RUFY4: variants seen among roughly 807,000 people sequenced by gnomAD.
RUFY4 encodes the protein RUN and FYVE domain-containing protein 4.
RUFY4 carries 73 observed loss-of-function variants against 69.0 expected under a neutral mutation model. The ratio of observed to expected loss-of-function variants is 1.06; its 90% CI spans 0.88 to 1.29. The LOEUF is 1.29. Among genes scored for constraint, RUFY4 ranks in the 50% most tolerant of loss-of-function variants. The probability of loss-of-function intolerance (pLI) is 0.00; values close to 1 mark genes in which losing one functional copy is unlikely to be tolerated. For synonymous variants in RUFY4, 287 were observed against 271.8 expected, an observed-to-expected ratio of 1.06 and a Z score of -0.55; for missense variants, 770 against 705.6, an observed-to-expected ratio of 1.09 and a Z score of -1.03.
chr2:218,064,744 A>C (rs1340634558), upstream of RUFY4, among the ~76,000 whole-genome samples: 1 of 151,956 alleles, frequency 6.6e-6, no homozygotes, highest in Non-Finnish European at 1.5e-5. Context: ...CTTCCAGAAG[A>C]GAAGTCCCTG....
exon 9 of RUFY4, chr2:218,083,146 G>A (rs760974906): frequency 2.5e-6 from 4 of 1,613,652 alleles, no homozygotes; most frequent in Non-Finnish European, 1.7e-6. Context: ...AGGCACAGCT[G>A]GAGCAGAAGC....
chr2:218,078,592 G>C (rs1689689809), intron 8 of RUFY4, among the ~76,000 whole-genome samples: 1 of 152,244 alleles, frequency 6.6e-6, no homozygotes, highest in Non-Finnish European at 1.5e-5. Flanking sequence ...AGAGCTCAGA[G>C]TAGGAGAGAG....
chr2:218,071,705 T>C (rs1386370189), intron 2 of RUFY4, among the ~76,000 whole-genome samples: 1 of 152,230 alleles, frequency 6.6e-6, no homozygotes, highest in Non-Finnish European at 1.5e-5. Flanking sequence ...CTATCTAACA[T>C]ACTCGATGCT....
chr2:218,073,468 C>T (rs1479658531), intron 5 of RUFY4, 82 bp downstream of exon 7: 1 of 1,528,080 alleles, frequency 6.5e-7, no homozygotes, highest in Non-Finnish European at 8.9e-7. Context: ...GCCCCAAGCC[C>T]TCAGCCTCCA....
chr2:218,056,942 G>A (rs1689077430), intron 2 of RUFY4, among the ~76,000 whole-genome samples: 1 of 152,112 alleles, frequency 6.6e-6, no homozygotes, highest in Non-Finnish European at 1.5e-5. Flanking sequence ...GCCAGGCATG[G>A]TGGCTTGCGC....
At chr2:218,076,518 G>A (rs187325896) in exon 8 of RUFY4, 51 of 1,550,412 alleles carry the variant, frequency 3.3e-5, no homozygotes, top group Middle Eastern at 1.7e-4. Flanking sequence ...CAGGCACTTC[G>A]GGAGCAGCTC....
chr2:218,063,611 A>G (rs983472615), intron 3 of RUFY4, among the ~76,000 whole-genome samples: 4 of 152,320 alleles, frequency 2.6e-5, no homozygotes, highest in Admixed American at 2.6e-4. Flanking sequence ...ATTAACCAGC[A>G]GGCAAGGGGC....
rs10186031 is a variant in RUFY4 at position 218,060,265 on chromosome 2, G to C, written c.-1071+1584G>C. 2,591 of 1,366,152 alleles carry C rather than the reference G, an allele frequency of 1.9e-3. 43 individuals are homozygous for C. In the African/African-American group the frequency reaches 0.033, roughly 18 times the overall value. The allele number at this position is 1,366,152 out of a possible 1,614,324, so 84.6% of individuals were successfully genotyped here. Reference sequence around the variant, plus strand: ...CTGACACTGAGACCAAGAAGAGCTAGTGGACATGAGGCTTGGAATGTGACT... The same window carrying C: ...CTGACACTGAGACCAAGAAGAGCTACTGGACATGAGGCTTGGAATGTGACT... On this transcript the variant is annotated intron_variant and NMD_transcript_variant, in intron 3 of 13. Coordinates refer to the RUFY4 transcript ENST00000457754.
At chr2:218,072,242 G>A in intron 2 of RUFY4, 132 bp from the exon 5 acceptor site, 2 of 1,106,640 alleles carry the variant, frequency 1.8e-6, no homozygotes, top group Non-Finnish European at 2.5e-6. Context: ...GTAAGGACAG[G>A]GCTGGGTCTG....
At chr2:218,042,670 A>C (rs968805702) in intron 2 of RUFY4, among the ~76,000 whole-genome samples, 1 of 150,430 alleles carries the variant, frequency 6.6e-6, no homozygotes, top group African/African-American at 2.5e-5. Context: ...AAAGTTGTTC[A>C]TACATGATCT....
intron 3 of RUFY4, chr2:218,060,100 G>C (rs1326299007): frequency 2.8e-6 from 1 of 363,112 alleles, no homozygotes; most frequent in Non-Finnish European, 5.2e-6. Flanking sequence ...GAGCTCAAGG[G>C]CAGGAGGGAC....
At chr2:218,068,143 G>T (rs138384013), upstream of RUFY4, among the ~76,000 whole-genome samples, 585 of 101,952 alleles carry the variant, frequency 5.7e-3, 4 homozygotes, top group African/African-American at 0.017. Flanking sequence ...GACTGGAGGA[G>T]GGCAGGGGAC....
chr2:218,090,384 A>C, exon 11 of RUFY4: 1 of 262,142 alleles, frequency 3.8e-6, no homozygotes, highest in Non-Finnish European at 7.7e-6. Context: ...CAGCCCTGAC[A>C]TTTCTCCTCC....
intron 2 of RUFY4, among the ~76,000 whole-genome samples, chr2:218,043,527 C>T (rs913612000): frequency 2.0e-5 from 3 of 152,152 alleles, no homozygotes; most frequent in Admixed American, 6.5e-5. Flanking sequence ...GTCAACCCAA[C>T]TTCTGCAGTT....
intron 7 of RUFY4, 55 bp from the exon 10 acceptor site, chr2:218,076,372 C>G (rs6759925): frequency 0.23 from 348,415 of 1,536,362 alleles, 41,155 homozygotes; most frequent in Middle Eastern, 0.25. Context: ...AGCCCCAGCA[C>G]TGGGGTCTCT....
chr2:218,076,844 T>C (rs1689646282), intron 8 of RUFY4, among the ~76,000 whole-genome samples: 6 of 152,134 alleles, frequency 3.9e-5, no homozygotes, highest in Admixed American at 3.9e-4. Context: ...GCAGCTCCTC[T>C]CTCTTTTTCA....
At chr2:218,064,189 T>C (rs1156412809) in intron 3 of RUFY4, among the ~76,000 whole-genome samples, 1 of 152,028 alleles carries the variant, frequency 6.6e-6, no homozygotes, top group Admixed American at 6.5e-5. Flanking sequence ...AAGTATGGGA[T>C]GAGGGATGGG....
At chr2:218,086,790 T>C (rs1689903626) in intron 9 of RUFY4, among the ~76,000 whole-genome samples, 1 of 151,980 alleles carries the variant, frequency 6.6e-6, no homozygotes, top group Admixed American at 6.6e-5. Context: ...AGATGACAAG[T>C]GGGCAGCAAT....
chr2:218,083,360 G>A (rs1023568026), intron 9 of RUFY4, 104 bp downstream of exon 11: 4 of 1,409,996 alleles, frequency 2.8e-6, no homozygotes, highest in Non-Finnish European at 3.8e-6. Flanking sequence ...CCCAAGCAGG[G>A]TTCTAGACCT....
Sources: gnomAD v4.1 joint callset for allele counts (sites outside exome capture counted in the v4.1 genomes callset) on GRCh38, gnomAD v4.1.1 for gene constraint, MANE v1.5 for transcripts, NCBI Gene and HGNC (gene_info 2026-07-23, HGNC 2026-07-21) for gene names.